The following DERL1 variants were observed in gnomAD, a reference collection of about 807,000 sequenced individuals.
The protein encoded by DERL1 is derlin 1.
A neutral mutation model predicts 41.6 loss-of-function variants in DERL1; 24 were observed. The ratio of observed to expected loss-of-function variants is 0.58; its 90% CI spans 0.42 to 0.81. The LOEUF (loss-of-function observed/expected upper bound fraction) is 0.81. Ranked by LOEUF, DERL1 falls within the 30% of genes least tolerant of loss-of-function variation. The pLI, the probability that DERL1 is intolerant of heterozygous loss-of-function variation, is 0.00. For missense variants in DERL1, 260 were observed against 314.3 expected (o/e 0.83, Z 1.31); for synonymous variants, 124 against 112.5 (o/e 1.10, Z -0.65).
chr8:123,030,325 C>A, intron 2 of DERL1: 1 of 260,530 alleles, frequency 3.8e-6, no homozygotes, highest in Non-Finnish European at 7.2e-6. Flanking sequence ...AGGCACACAG[C>A]TCAGCCACTA....
chr8:123,020,966 CAA>C (rs542307362), intron 6 of DERL1, among the ~76,000 whole-genome samples: 27 of 82,816 alleles, frequency 3.3e-4, no homozygotes, highest in Admixed American at 5.3e-4. Context: ...AACTTCGTCT[CAA>C]AAAAAAAAAA....
chr8:123,023,781 T>G (rs192415678), intron 3 of DERL1, 42 bp from the exon 4 acceptor site: 69 of 1,604,182 alleles, frequency 4.3e-5, no homozygotes, highest in Non-Finnish European at 5.6e-5. Flanking sequence ...AAAAGCATTC[T>G]GTACCTAGTC....
At chr8:123,023,681 A>G in intron 4 of DERL1, 32 bp downstream of exon 4, 1 of 1,597,768 alleles carries the variant, frequency 6.3e-7, no homozygotes, top group East Asian at 2.3e-5. Flanking sequence ...AACAAATAAA[A>G]GGGCAAATAG....
intron 2 of DERL1, among the ~76,000 whole-genome samples, chr8:123,028,200 C>T (rs1018644036): frequency 2.6e-5 from 4 of 151,918 alleles, no homozygotes; most frequent in African/African-American, 9.7e-5. Context: ...TGGCATTTTG[C>T]TTCAAATAAT....
chr8:123,013,380 AAT>A lies in DERL1; in HGVS notation c.*2065_*2066del, dbSNP rs761742843. The A allele has an allele frequency of 3.3e-5, 5 of 152,338 alleles. No individual in the cohort carries two copies. The highest frequency in any genetic ancestry group is 6.8e-3 in the Middle Eastern group (2 of 294). 9.4% of individuals were successfully genotyped at this position (152,338 alleles called of 1,614,324 possible). A position where few individuals can be genotyped will look rare whatever the true frequency, so the allele number is the denominator to read the frequency against. ...CACATTTTAATTTACAATTTTTACC[AAT>A]AAAAAGGATTAGTTTACAAAAAGGG... On this transcript the variant is annotated 3_prime_UTR_variant, in exon 8 of 8. Coordinates refer to ENST00000259512, the MANE Select transcript of DERL1 (RefSeq NM_024295.6).
rs953357515 is a variant in DERL1, at chr8:123,023,561, A to T, written c.357+152T>A. 7 of 711,138 alleles carry T rather than the reference A, an allele frequency of 9.8e-6. No homozygotes were observed. The Admixed American group carries it at 2.5e-4, about 26-fold the overall frequency. 44.1% of individuals were successfully genotyped at this position (711,138 alleles called of 1,614,324 possible). On this transcript the variant is annotated intron_variant, in intron 4 of 7. Coordinates refer to ENST00000259512, the MANE Select transcript of DERL1 (RefSeq NM_024295.6). ...CACAGCAAGACTCCATCTCATAAAT[A>T]AATAAATAAATAAAACAGCTGTAAT...
At chr8:123,019,774 C>A (rs932223903) in intron 6 of DERL1, among the ~76,000 whole-genome samples, 2 of 152,190 alleles carry the variant, frequency 1.3e-5, no homozygotes, top group Admixed American at 6.5e-5. Flanking sequence ...TCTCCCTTGC[C>A]TCTTGTATCC....
Position 123,033,028 on chromosome 8 carries a change from TTTTG to T in DERL1, c.154-2316_154-2313del, listed in dbSNP as rs373493592. Among the ~76,000 whole-genome samples, 57 of 152,038 alleles carry T rather than the reference TTTTG, an allele frequency of 3.7e-4. No individual in the cohort carries two copies. In the East Asian group the frequency reaches 6.6e-3, roughly 18 times the overall value. On this transcript the variant is annotated intron_variant, in intron 1 of 7. Transcript: ENST00000259512. ...AGGCATGTACCATCACACCTGGTAA[TTTTG>T]TTTGTTTGTTTTTTGAGACGGGCTC... is the stretch of plus-strand genomic sequence containing the variant.
intron 7 of DERL1, 67 bp from the exon 8 acceptor site, chr8:123,015,652 A>C: frequency 6.6e-7 from 1 of 1,505,970 alleles, no homozygotes; most frequent in Non-Finnish European, 8.9e-7. Context: ...TAGTTATCTG[A>C]CCTCCGAGAA....
chr8:123,032,288 C>A (rs1255515036), intron 1 of DERL1, among the ~76,000 whole-genome samples: 1 of 152,074 alleles, frequency 6.6e-6, no homozygotes, highest in Admixed American at 6.6e-5. Flanking sequence ...GCATGCACCA[C>A]CACACCTGGC....
At chr8:123,032,160 G>C (rs1278658042) in intron 1 of DERL1, among the ~76,000 whole-genome samples, 1 of 150,108 alleles carries the variant, frequency 6.7e-6, no homozygotes, top group African/African-American at 2.5e-5. Context: ...CCCGAGATAG[G>C]ATCTTGCTCT....
intron 2 of DERL1, among the ~76,000 whole-genome samples, chr8:123,028,038 T>C (rs373363313): frequency 7.1e-6 from 1 of 140,852 alleles, no homozygotes; most frequent in East Asian, 2.1e-4. Context: ...CTCCCCCGAC[T>C]GGGTGACAGA....
rs748405797 is a variant in DERL1 at position 123,030,594 on chromosome 8, G to A, written c.265+11C>T. The A allele has an allele frequency of 1.3e-6, 2 of 1,528,162 alleles. No individual in the cohort carries two copies. The highest frequency in any genetic ancestry group is 1.2e-5 in the South Asian group (1 of 84,760). 94.7% of individuals were successfully genotyped at this position (1,528,162 alleles called of 1,614,324 possible). ...AAGAAACAATGCTTAAAACAACTAT[G>A]GGTAACATACCTGTTTCAAGTCGCG... On this transcript the variant is annotated intron_variant, in intron 2 of 7. Transcript: ENST00000259512.
intron 7 of DERL1, chr8:123,017,889 G>A (rs1814619037): frequency 6.6e-6 from 1 of 152,164 alleles, no homozygotes; most frequent in African/African-American, 2.4e-5. Flanking sequence ...TTAGAAACCA[G>A]ATTGGTCATT....
chr8:123,015,555 T>C lies in DERL1; in HGVS notation c.648A>G (p.Gly216=). The C allele has an allele frequency of 6.2e-7, 1 of 1,611,462 alleles. No homozygotes were observed. Among genetic ancestry groups the C allele is most frequent in the Non-Finnish European group, 8.5e-7 (1 of 1,178,888 alleles). Residue 216 remains glycine, a synonymous_variant, in exon 8 of 8, where the codon GGA becomes GGG. Coordinates refer to ENST00000259512, the MANE Select transcript of DERL1 (RefSeq NM_024295.6). The part of the protein sequence containing the change: ...LYRWLPSRRG[G]VSGFGVPPAS... Reference sequence around the variant, plus strand: ...CAGGGGGCACACCAAATCCTGATACTCCTCCTCTCCTACTGGGCAGCCAGC... The same window carrying C: ...CAGGGGGCACACCAAATCCTGATACCCCTCCTCTCCTACTGGGCAGCCAGC...
At position 123,042,084 on chromosome 8, in the gene DERL1, C is replaced by T. The variant is rs1343417454; in HGVS notation, c.39G>A (p.Ala13=). Residue 13 remains alanine (A), a synonymous_variant, in exon 1 of 8, where the codon GCG becomes GCA. Transcript: ENST00000259512. ...TGGCGGCGAACCAATAGCGCGTGATCGCCGGGATGCTCCTGAACCAGTCTC... is the reference window on the plus strand; with the variant it reads ...TGGCGGCGAACCAATAGCGCGTGATTGCCGGGATGCTCCTGAACCAGTCTC... ...DIGDWFRSIP[A]ITRYWFAATV... The T allele has an allele frequency of 2.5e-6, 4 of 1,613,768 alleles. No homozygotes were observed. The highest frequency in any genetic ancestry group is 3.4e-6 in the Non-Finnish European group (4 of 1,179,866).
At position 123,014,627 on chromosome 8, in the gene DERL1, T is replaced by C. The variant is rs988032022; in HGVS notation, c.*820A>G. 6.6e-6 allele frequency: 1 copy of C among 152,372 alleles called. No individual in the cohort carries two copies. The highest frequency in any genetic ancestry group is 2.4e-5 in the African/African-American group (1 of 41,422). The allele number at this position is 152,372 out of a possible 1,614,324, so 9.4% of individuals were successfully genotyped here. On this transcript the variant is annotated 3_prime_UTR_variant, in exon 8 of 8. Coordinates refer to ENST00000259512, the MANE Select transcript of DERL1 (RefSeq NM_024295.6). ...TCCAGCTACACAAAGCCAGTAGGCC[T>C]ACATATGAAACGCAAAGGGGTTGCA...
rs1766248873 is a variant in DERL1 at position 123,015,346 on chromosome 8, T to C, written c.*101A>G. On this transcript the variant is annotated 3_prime_UTR_variant, in exon 8 of 8. Coordinates refer to ENST00000259512, the MANE Select transcript of DERL1 (RefSeq NM_024295.6). ...TCGTACTGAAAGACTACATTCAGTG[T>C]GGGTCAGGTCCAACAGTGTTAGCCA... 10 of 1,421,314 alleles carry C rather than the reference T, an allele frequency of 7.0e-6. No homozygotes were observed. The South Asian group carries it at 1.5e-4, about 21-fold the overall frequency. The allele number at this position is 1,421,314 out of a possible 1,614,324, so 88.0% of individuals were successfully genotyped here.
At chr8:123,021,768 C>A (rs910470002) in intron 5 of DERL1, among the ~76,000 whole-genome samples, 6 of 152,164 alleles carry the variant, frequency 3.9e-5, no homozygotes, top group African/African-American at 1.4e-4. Flanking sequence ...TGCTGAACTG[C>A]TATAAACAGA....
Sources: gnomAD v4.1 joint callset for allele counts (sites outside exome capture counted in the v4.1 genomes callset) on GRCh38, gnomAD v4.1.1 for gene constraint, MANE v1.5 for transcripts, NCBI Gene and HGNC (gene_info 2026-07-23, HGNC 2026-07-21) for gene names.